Variants in OSBPL1A observed in about 807,000 individuals in gnomAD.
OSBPL1A encodes the protein oxysterol binding protein like 1A.
A neutral mutation model predicts 137.1 loss-of-function variants in OSBPL1A; 80 were observed. The observed-to-expected ratio is 0.58, with a 90% CI of 0.49 to 0.70. The LOEUF is 0.70. OSBPL1A is among the 30% of genes least tolerant of loss of function. The pLI, the probability that OSBPL1A is intolerant of heterozygous loss-of-function variation, is 0.00. For synonymous variants in OSBPL1A, 365 were observed against 389.7 expected (o/e 0.94, Z 0.75); for missense variants, 970 against 1,129.4 (o/e 0.86, Z 2.02).
Position 24,170,356 on chromosome 18 carries a change from T to C in OSBPL1A, c.2389A>G (p.Asn797Asp). ...FDAYKKNDKK[N>D]TEEKKNSKQM... ...TTGCTGTTCTTCTTCTCTTCTGTAT[T>C]TTTCTTATCATTTTTTTTGTAAGCG... is the stretch of plus-strand genomic sequence containing the variant. Residue 797 changes from asparagine to aspartate, a missense_variant, in exon 24 of 28, where the codon AAT becomes GAT. Transcript: ENST00000319481. 1 of 1,614,196 alleles carries C rather than the reference T, an allele frequency of 6.2e-7. No individual in the cohort carries two copies. The highest frequency in any genetic ancestry group is 8.5e-7 in the Non-Finnish European group (1 of 1,180,036).
intron 1 of OSBPL1A, among the ~76,000 whole-genome samples, chr18:24,393,834 G>A (rs1474727714): frequency 6.6e-6 from 1 of 152,170 alleles, no homozygotes; most frequent in Non-Finnish European, 1.5e-5. Context: ...TGTAAGCACT[G>A]AGGAATTTGA....
rs1159353474 is a variant in OSBPL1A at position 24,314,343 on chromosome 18, T to G, written c.875A>C (p.Lys292Thr). The G allele has an allele frequency of 1.9e-6, 3 of 1,601,574 alleles. No homozygotes were observed. The East Asian group carries it at 6.7e-5, about 36-fold the overall frequency. Residue 292 changes from lysine to threonine, a missense_variant, in exon 12 of 28, where the codon AAA (lysine) becomes ACA (threonine). This residue lies in a region of OSBPL1A where 647 missense variants were observed against 672.6 expected (regional missense o/e 0.96). Transcript: ENST00000319481. ...AAAGAAGAGGCAGCTATCAGTGGAT[T>G]TTACCTTGGATATAAAGAAGTCAGT... The part of the protein sequence containing the change: ...KHLTQAVCTV[K>T]STDSCLFFIK...
chr18:24,333,792 T>C (rs2146144055), intron 6 of OSBPL1A, among the ~76,000 whole-genome samples: 1 of 152,334 alleles, frequency 6.6e-6, no homozygotes, highest in Middle Eastern at 3.4e-3. Context: ...TCCAAAATAC[T>C]GTCCCTTCTT....
At chr18:24,358,463 A>G (rs576223478) in intron 4 of OSBPL1A, 31 of 702,378 alleles carry the variant, frequency 4.4e-5, no homozygotes, top group African/African-American at 3.3e-4. Context: ...CGAGCACTCC[A>G]TAAACCTGCT....
Position 24,180,794 on chromosome 18 carries a change from G to A in OSBPL1A, c.1812+351C>T, listed in dbSNP as rs1475714327. 9.9e-5 allele frequency among the ~76,000 whole-genome samples: 15 copies of A among 152,156 alleles called. No individual in the cohort carries two copies. The South Asian group carries it at 1.5e-3, about 15-fold the overall frequency. On this transcript the variant is annotated intron_variant, in intron 19 of 27. Coordinates refer to ENST00000319481, the MANE Select transcript of OSBPL1A (RefSeq NM_080597.4). ...TGGGAGGCTGAGGCAGGAGAATGGC[G>A]GGAACCTGGGAGGCGGAGCTTGCCG...
At chr18:24,332,888 A>G in intron 7 of OSBPL1A, 54 bp downstream of exon 7, 2 of 1,592,054 alleles carry the variant, frequency 1.3e-6, no homozygotes, top group Non-Finnish European at 1.7e-6. Flanking sequence ...TATGGCATTG[A>G]CTTCATTTTA....
chr18:24,312,911 G>A (rs762611313), intron 12 of OSBPL1A, among the ~76,000 whole-genome samples: 5 of 151,998 alleles, frequency 3.3e-5, no homozygotes, highest in Admixed American at 6.6e-5. Flanking sequence ...CAAGGTGGGC[G>A]GATCATGTTC....
At chr18:24,171,614 C>T (rs2086289753) in intron 22 of OSBPL1A, 116 bp from the exon 23 acceptor site, 1 of 767,190 alleles carries the variant, frequency 1.3e-6, no homozygotes, top group Admixed American at 2.3e-5. Flanking sequence ...CTCTGTGTGC[C>T]AGGCTCCATA....
intron 4 of OSBPL1A, among the ~76,000 whole-genome samples, chr18:24,342,224 A>G (rs1465251720): frequency 6.6e-6 from 1 of 152,206 alleles, no homozygotes; most frequent in African/African-American, 2.4e-5. Flanking sequence ...ATATTCAACA[A>G]TAGATAATAT....
intron 1 of OSBPL1A, among the ~76,000 whole-genome samples, chr18:24,393,148 T>C (rs1907482830): frequency 6.6e-6 from 1 of 152,278 alleles, no homozygotes; most frequent in Admixed American, 6.5e-5. Flanking sequence ...ATCAGTAATT[T>C]CTCTGATGCA....
At chr18:24,304,332 A>G (rs975138593) in intron 13 of OSBPL1A, among the ~76,000 whole-genome samples, 3 of 152,200 alleles carry the variant, frequency 2.0e-5, no homozygotes, top group Non-Finnish European at 4.4e-5. Context: ...CCTAAAGGCA[A>G]AAAAACATAA....
At chr18:24,321,685 C>A (rs1204864848) in intron 7 of OSBPL1A, 1 of 524,752 alleles carries the variant, frequency 1.9e-6, no homozygotes, top group Non-Finnish European at 3.9e-6. Context: ...GCATGACAGG[C>A]CTTCTCTTTC....
chr18:24,382,832 C>T (rs904128787), intron 1 of OSBPL1A, among the ~76,000 whole-genome samples: 15 of 151,378 alleles, frequency 9.9e-5, no homozygotes, highest in African/African-American at 2.4e-4. Context: ...GCTGAGATCA[C>T]GCCACTGCAC....
chr18:24,260,556 C>T (rs1020631990), intron 15 of OSBPL1A, among the ~76,000 whole-genome samples: 5 of 152,152 alleles, frequency 3.3e-5, no homozygotes, highest in Admixed American at 2.6e-4. Context: ...CAGAAGCTCA[C>T]ATATTGTATA....
At chr18:24,318,008 A>T (rs1350468186) in intron 9 of OSBPL1A, among the ~76,000 whole-genome samples, 1 of 152,120 alleles carries the variant, frequency 6.6e-6, no homozygotes, top group African/African-American at 2.4e-5. Flanking sequence ...GTAAGAAAAA[A>T]ATGTATTTTC....
chr18:24,210,190 G>A (rs933946090), intron 17 of OSBPL1A, among the ~76,000 whole-genome samples: 4 of 152,074 alleles, frequency 2.6e-5, no homozygotes, highest in African/African-American at 7.2e-5. Context: ...ACTTTGGGAG[G>A]CCGAGGCAGG....
intron 18 of OSBPL1A, among the ~76,000 whole-genome samples, chr18:24,189,119 A>G (rs77461574): frequency 0.064 from 9,794 of 152,268 alleles, 748 homozygotes; most frequent in African/African-American, 0.18. Flanking sequence ...ATTAATAGCA[A>G]CCTATGATGA....
intron 15 of OSBPL1A, among the ~76,000 whole-genome samples, chr18:24,259,806 T>A (rs1168371831): frequency 6.6e-6 from 1 of 150,824 alleles, no homozygotes; most frequent in Non-Finnish European, 1.5e-5. Context: ...TCAGTTTAGT[T>A]AAAAAAAAAT....
chr18:24,227,420 A>G (rs1355693816), intron 16 of OSBPL1A, among the ~76,000 whole-genome samples: 1 of 152,246 alleles, frequency 6.6e-6, no homozygotes, highest in African/African-American at 2.4e-5. Context: ...AGACAAAAAA[A>G]ACCCAGGATA....
Sources: gnomAD v4.1 joint callset for allele counts (sites outside exome capture counted in the v4.1 genomes callset) on GRCh38, gnomAD v4.1.1 for gene constraint, gnomAD v4.1.1 regional missense constraint, MANE v1.5 for transcripts, NCBI Gene and HGNC (gene_info 2026-07-23, HGNC 2026-07-21) for gene names.